Variants in RGS6 observed in about 807,000 individuals in gnomAD.
RGS6 encodes regulator of G protein signaling 6.
A neutral mutation model predicts 78.5 loss-of-function variants in RGS6; 30 were observed. That is an observed-to-expected ratio of 0.38 (90% CI 0.29 to 0.52). RGS6 has a LOEUF of 0.52. Among genes scored for constraint, RGS6 ranks in the 20% least tolerant of loss-of-function variants. The pLI is 0.85. For missense variants in RGS6, 495 were observed against 609.7 expected (o/e 0.81, Z 1.98); for synonymous variants, 206 against 206.0 (o/e 1.00, Z 0.00).
At chr14:72,313,609 T>G (rs963443055) in intron 2 of RGS6, among the ~76,000 whole-genome samples, 1 of 152,030 alleles carries the variant, frequency 6.6e-6, no homozygotes, top group Middle Eastern at 3.2e-3. Context: ...GGGAGCCAAG[T>G]GATTAAGAGA....
chr14:72,224,723 G>A (rs554144817), intron 2 of RGS6, among the ~76,000 whole-genome samples: 2 of 152,134 alleles, frequency 1.3e-5, no homozygotes, highest in Non-Finnish European at 1.5e-5. Flanking sequence ...GTGTGCATCA[G>A]TATATAAAGC....
chr14:71,954,815 T>G (rs976391983), intron 1 of RGS6, among the ~76,000 whole-genome samples: 3 of 152,236 alleles, frequency 2.0e-5, no homozygotes, highest in African/African-American at 7.2e-5. Context: ...ACCATTTACT[T>G]TCTCCATTAG....
the RGS6 span, among the ~76,000 whole-genome samples, chr14:71,901,597 A>G: frequency 6.6e-6 from 1 of 152,154 alleles, no homozygotes; most frequent in African/African-American, 2.4e-5. Flanking sequence ...CTCAGTTCAG[A>G]TGCCAAATGA....
chr14:71,922,718 T>C, the RGS6 span, among the ~76,000 whole-genome samples: 1 of 152,242 alleles, frequency 6.6e-6, no homozygotes, highest in African/African-American at 2.4e-5. Context: ...CTTCAGTCTG[T>C]GTTAGTTTCT....
At chr14:72,172,647 A>G (rs1203969474) in intron 2 of RGS6, among the ~76,000 whole-genome samples, 1 of 152,126 alleles carries the variant, frequency 6.6e-6, no homozygotes, top group African/African-American at 2.4e-5. Context: ...AATATGTGAG[A>G]AGTGAGCAAT....
intron 2 of RGS6, among the ~76,000 whole-genome samples, chr14:72,069,905 TA>T (rs1214260230): frequency 1.3e-5 from 2 of 152,230 alleles, no homozygotes; most frequent in Admixed American, 6.5e-5. Context: ...TTTGCCACAT[TA>T]GTTGCTTACT....
intron 2 of RGS6, among the ~76,000 whole-genome samples, chr14:72,246,681 G>A (rs1161402249): frequency 6.6e-6 from 1 of 152,090 alleles, no homozygotes; most frequent in East Asian, 1.9e-4. Flanking sequence ...AGGCCGAGGT[G>A]GGCAGACCAC....
intron 2 of RGS6, among the ~76,000 whole-genome samples, chr14:72,026,460 T>C (rs2089878988): frequency 6.6e-6 from 1 of 152,124 alleles, no homozygotes; most frequent in Non-Finnish European, 1.5e-5. Context: ...GTTCATTTGG[T>C]CAACAACAAC....
At chr14:72,364,353 A>G (rs2082075445) in intron 3 of RGS6, among the ~76,000 whole-genome samples, 1 of 152,144 alleles carries the variant, frequency 6.6e-6, no homozygotes, top group Admixed American at 6.5e-5. Flanking sequence ...ACCAAACTTA[A>G]AGTTGAAACG....
intron 2 of RGS6, among the ~76,000 whole-genome samples, chr14:72,308,101 C>T (rs1702170989): frequency 6.6e-6 from 1 of 152,130 alleles, no homozygotes; most frequent in Admixed American, 6.5e-5. Context: ...ACAGTGATAT[C>T]ATCTTTAAAT....
At chr14:72,614,788 A>AAAAAAAAAAAAG in the RGS6 span, among the ~76,000 whole-genome samples, 2 of 150,900 alleles carry the variant, frequency 1.3e-5, no homozygotes, top group South Asian at 4.2e-4. Context: ...AAAAAAAAAA[A>AAAAAAAAAAAAG]AGAGTTACAA....
At chr14:72,528,239 A>AT (rs2097141813) in intron 15 of RGS6, among the ~76,000 whole-genome samples, 1 of 152,212 alleles carries the variant, frequency 6.6e-6, no homozygotes, top group Non-Finnish European at 1.5e-5. Context: ...GTTTTGAGAC[A>AT]GTTTGTACTG....
chr14:72,485,095 G>A (rs1005643191), intron 12 of RGS6, among the ~76,000 whole-genome samples: 2 of 152,172 alleles, frequency 1.3e-5, no homozygotes, highest in Non-Finnish European at 2.9e-5. Flanking sequence ...TTCTAGTGAT[G>A]TGAGAATTTG....
intron 2 of RGS6, among the ~76,000 whole-genome samples, chr14:72,082,831 A>G (rs1320532367): frequency 6.6e-6 from 1 of 152,198 alleles, no homozygotes; most frequent in Non-Finnish European, 1.5e-5. Flanking sequence ...TACTTGTAAC[A>G]TACAATGCAA....
intron 2 of RGS6, among the ~76,000 whole-genome samples, chr14:72,284,070 T>C (rs971196392): frequency 6.6e-6 from 1 of 152,168 alleles, no homozygotes; most frequent in African/African-American, 2.4e-5. Flanking sequence ...ATTTAGGGTA[T>C]CTGGCAGAAG....
At position 72,563,532 on chromosome 14, in the gene RGS6, C is replaced by G. The variant is rs532414995; in HGVS notation, c.*1065C>G. 6.6e-6 allele frequency: 1 copy of G among 152,600 alleles called. No homozygotes were observed. The highest frequency in any genetic ancestry group is 1.9e-4 in the East Asian group (1 of 5,180). 9.5% of individuals were successfully genotyped at this position (152,600 alleles called of 1,614,324 possible). A position where few individuals can be genotyped will look rare whatever the true frequency, so the allele number is the denominator to read the frequency against. On this transcript the variant is annotated 3_prime_UTR_variant, in exon 18 of 18. Coordinates refer to ENST00000553525, the MANE Select transcript of RGS6 (RefSeq NM_001204424.2). ...GGGGCAGAGTATGCTACGAAGGGAC[C>G]AGGCCAGGCCACAGGGCTCTCCTCC...
chr14:71,918,612 A>G, the RGS6 span, among the ~76,000 whole-genome samples: 1 of 152,198 alleles, frequency 6.6e-6, no homozygotes, highest in Non-Finnish European at 1.5e-5. Flanking sequence ...TTGTGTTTCC[A>G]TTTGAGTTGA....
chr14:72,137,318 C>A (rs534250957), intron 2 of RGS6, among the ~76,000 whole-genome samples: 33 of 152,264 alleles, frequency 2.2e-4, no homozygotes, highest in African/African-American at 7.5e-4. Flanking sequence ...CAGGAGAAAC[C>A]AAACTGCTTT....
chr14:72,144,651 A>G (rs1348935714), intron 2 of RGS6, among the ~76,000 whole-genome samples: 2 of 152,194 alleles, frequency 1.3e-5, no homozygotes, highest in East Asian at 1.9e-4. Flanking sequence ...TGTGTACACT[A>G]TGTAGCTACA....
Sources: gnomAD v4.1 joint callset for allele counts (sites outside exome capture counted in the v4.1 genomes callset) on GRCh38, gnomAD v4.1.1 for gene constraint, MANE v1.5 for transcripts, NCBI Gene and HGNC (gene_info 2026-07-23, HGNC 2026-07-21) for gene names.